ZNF723: variants seen among roughly 807,000 people sequenced by gnomAD.
The protein encoded by ZNF723 is zinc finger protein 723, also known as zinc finger protein 723, pseudogene.
ZNF723 carries 5 observed loss-of-function variants against 9.4 expected under a neutral mutation model. That is an observed-to-expected ratio of 0.53 (90% CI 0.28 to 1.12). The LOEUF (loss-of-function observed/expected upper bound fraction) is 1.12, where lower values mean the gene tolerates loss of function less well. ZNF723 is among the 50% of genes most tolerant of loss of function. The pLI is 0.10. For synonymous variants in ZNF723, 158 were observed against 168.8 expected, an observed-to-expected ratio of 0.94 and a Z score of 0.49; for missense variants, 450 against 501.5, an observed-to-expected ratio of 0.90 and a Z score of 0.98.
chr19:22,856,961 A>T (rs1967487821), intron 3 of ZNF723, among the ~76,000 whole-genome samples, 157 bp from the exon 4 acceptor site: 2 of 152,082 alleles, frequency 1.3e-5, no homozygotes, highest in Admixed American at 6.6e-5. Flanking sequence ...TTTGGTCTGT[A>T]TGTTTTTGTT....
At chr19:22,828,948 G>A (rs976104509), upstream of ZNF723, among the ~76,000 whole-genome samples, 1 of 152,104 alleles carries the variant, frequency 6.6e-6, no homozygotes, top group Non-Finnish European at 1.5e-5. Context: ...TGAGGTGGGT[G>A]GATCACTTGA....
the ZNF723 span, among the ~76,000 whole-genome samples, chr19:22,827,066 G>T: frequency 2.0e-5 from 3 of 152,156 alleles, no homozygotes; most frequent in Non-Finnish European, 2.9e-5. Flanking sequence ...TTTTTCCATG[G>T]CTTAGCATAA....
At chr19:22,831,917 A>AAT (rs1029803662), upstream of ZNF723, among the ~76,000 whole-genome samples, 28 of 152,192 alleles carry the variant, frequency 1.8e-4, no homozygotes, top group Non-Finnish European at 3.8e-4. Context: ...TCAAAAAAAA[A>AAT]AATAATAAAT....
At chr19:22,832,464 C>T in intron 1 of ZNF723, 82 bp downstream of exon 1, 3 of 1,272,060 alleles carry the variant, frequency 2.4e-6, no homozygotes, top group Non-Finnish European at 2.2e-6. Flanking sequence ...GGGACTCAGG[C>T]CTCCCTGCTG....
Position 22,832,397 on chromosome 19 carries a change from T to C in ZNF723, c.3+15T>C. On this transcript the variant is annotated intron_variant, in intron 1 of 3. Coordinates refer to ENST00000600766, the MANE Select transcript of ZNF723 (RefSeq NM_001349726.2). ...GCCTAGAAATGGTGAGAGTACCGGG[T>C]CCGACATCCCGAGAGAGGGGAAGGG... 2.2e-6 allele frequency: 3 copies of C among 1,376,100 alleles called. No homozygotes were observed. Among genetic ancestry groups the C allele is most frequent in the Non-Finnish European group, 3.1e-6 (3 of 981,176 alleles). 85.2% of individuals were successfully genotyped at this position (1,376,100 alleles called of 1,614,324 possible). A position where few individuals can be genotyped will look rare whatever the true frequency, so the allele number is the denominator to read the frequency against.
chr19:22,831,765 G>C (rs942963378), upstream of ZNF723, among the ~76,000 whole-genome samples: 1 of 151,970 alleles, frequency 6.6e-6, no homozygotes, highest in Admixed American at 6.6e-5. Context: ...AAAATTAGCC[G>C]GGCATGGTGG....
the ZNF723 span, among the ~76,000 whole-genome samples, chr19:22,824,186 T>C: frequency 6.6e-6 from 1 of 152,146 alleles, no homozygotes; most frequent in African/African-American, 2.4e-5. Flanking sequence ...GCAACAATCC[T>C]CTCTTGCCTG....
At chr19:22,842,706 A>C (rs557109273) in intron 1 of ZNF723, among the ~76,000 whole-genome samples, 1 of 96,054 alleles carries the variant, frequency 1.0e-5, no homozygotes, top group South Asian at 2.7e-4. Context: ...CTATAAGGTG[A>C]TCTTTCCTTT....
intron 1 of ZNF723, among the ~76,000 whole-genome samples, chr19:22,846,514 T>C (rs1967311264): frequency 6.6e-6 from 1 of 152,054 alleles, no homozygotes. Flanking sequence ...TCCCAGCTAC[T>C]TGATAGGCCG....
At chr19:22,828,797 G>T (rs556234606), upstream of ZNF723, among the ~76,000 whole-genome samples, 2 of 152,126 alleles carry the variant, frequency 1.3e-5, no homozygotes, top group African/African-American at 4.8e-5. Flanking sequence ...AAAATAGGTA[G>T]ATCCTAAAAC....
intron 1 of ZNF723, among the ~76,000 whole-genome samples, chr19:22,835,660 T>G (rs536944957): frequency 8.5e-5 from 13 of 152,180 alleles, no homozygotes; most frequent in Non-Finnish European, 1.3e-4. Context: ...GAAATCTCTC[T>G]TTTATTTTGG....
chr19:22,837,264 G>A (rs1202415309), intron 1 of ZNF723, among the ~76,000 whole-genome samples: 8 of 147,244 alleles, frequency 5.4e-5, no homozygotes, highest in Non-Finnish European at 8.9e-5. Context: ...GCTACAGAGC[G>A]AGACTCTGGC....
chr19:22,853,405 C>CATGG (rs1259807867), intron 3 of ZNF723, among the ~76,000 whole-genome samples: 4 of 152,070 alleles, frequency 2.6e-5, no homozygotes, highest in Non-Finnish European at 5.9e-5. Flanking sequence ...CATTGAGCAG[C>CATGG]ATGGACATCT....
chr19:22,821,668 T>C, the ZNF723 span, among the ~76,000 whole-genome samples: 6 of 152,162 alleles, frequency 3.9e-5, no homozygotes, highest in African/African-American at 1.4e-4. Flanking sequence ...TTTAGACATA[T>C]GTATTTTCAA....
At chr19:22,836,761 CTA>C (rs1285467801) in intron 1 of ZNF723, among the ~76,000 whole-genome samples, 6 of 152,190 alleles carry the variant, frequency 3.9e-5, no homozygotes, top group African/African-American at 1.2e-4. Flanking sequence ...TTTGCAGAGT[CTA>C]TGTCTGGCTG....
chr19:22,841,083 C>A (rs551301326), intron 1 of ZNF723, among the ~76,000 whole-genome samples: 7 of 150,288 alleles, frequency 4.7e-5, no homozygotes, highest in African/African-American at 1.5e-4. Context: ...GCAGGGTGCT[C>A]TAGCCCAGTG....
Position 22,847,149 on chromosome 19 carries a change from C to T in ZNF723, c.4-1112C>T, listed in dbSNP as rs569755014. Among the ~76,000 whole-genome samples, 12 of 151,698 alleles carry T rather than the reference C, an allele frequency of 7.9e-5. No homozygotes were observed. In the South Asian group the frequency reaches 1.5e-3, roughly 18 times the overall value. ...GGAATGTAGTGGCGTGATCTCGACT[C>T]ACTGCAACCTCTGCCTCCTAGGTTC... On this transcript the variant is annotated intron_variant, in intron 1 of 3. Transcript: ENST00000600766.
chr19:22,827,074 T>G, the ZNF723 span, among the ~76,000 whole-genome samples: 2 of 152,236 alleles, frequency 1.3e-5, no homozygotes, highest in African/African-American at 2.4e-5. Context: ...TGGCTTAGCA[T>G]AAATGAAGCA....
intron 3 of ZNF723, among the ~76,000 whole-genome samples, chr19:22,855,148 A>G (rs1239836357): frequency 6.6e-6 from 1 of 152,106 alleles, no homozygotes; most frequent in Non-Finnish European, 1.5e-5. Flanking sequence ...CCGTTATAAC[A>G]ATGGTAGGAA....
Sources: gnomAD v4.1 joint callset for allele counts (sites outside exome capture counted in the v4.1 genomes callset) on GRCh38, gnomAD v4.1.1 for gene constraint, MANE v1.5 for transcripts, NCBI Gene and HGNC (gene_info 2026-07-23, HGNC 2026-07-21) for gene names.